The following PHGR1 variants were observed in gnomAD, a reference collection of about 807,000 sequenced individuals.
The protein encoded by PHGR1 is proline, histidine and glycine rich 1.
In PHGR1, 3 loss-of-function variants were observed where a neutral mutation model predicts 4.9. The ratio of observed to expected loss-of-function variants is 0.61; its 90% CI spans 0.28 to 1.58. The LOEUF (loss-of-function observed/expected upper bound fraction) is 1.58, where lower values mean the gene tolerates loss of function less well. PHGR1 is among the 40% of genes most tolerant of loss of function. PHGR1 has a pLI of 0.11. For missense variants in PHGR1, 81 were observed against 118.7 expected, an observed-to-expected ratio of 0.68 and a Z score of 1.48; for synonymous variants, 32 against 46.1, an observed-to-expected ratio of 0.69 and a Z score of 1.24.
chr15:40,352,291 G>A (rs1442451682), intron 1 of PHGR1, among the ~76,000 whole-genome samples: 4 of 152,112 alleles, frequency 2.6e-5, no homozygotes, highest in African/African-American at 9.7e-5. Context: ...TGTTGTATTG[G>A]GGGCGCTGTT....
chr15:40,351,045 C>G lies in PHGR1; in HGVS notation c.-44C>G, dbSNP rs1889200751. On this transcript the variant is annotated 5_prime_UTR_variant, in exon 1 of 4. Transcript: ENST00000448599. ...CAGACAGTGCCCCAGACTTCCTGCC[C>G]CTGCTCTGCACTCTCAGGTAGGGAC... The G allele has an allele frequency of 6.6e-6, 1 of 152,428 alleles. No homozygotes were observed. The highest frequency in any genetic ancestry group is 1.5e-5 in the Non-Finnish European group (1 of 68,228). The allele number at this position is 152,428 out of a possible 1,614,324, so 9.4% of individuals were successfully genotyped here.
In PHGR1 at chr15:40,356,226, C is replaced by T; in HGVS notation, c.172C>T (p.Pro58Ser). Residue 58 changes from proline (P) to serine (S), a missense_variant, in exon 4 of 4, where the codon CCC becomes TCC. Coordinates refer to ENST00000448599, the MANE Select transcript of PHGR1 (RefSeq NM_001145643.2). ...GHGPGPCGPP[P>S]HHGPGPCGPP... ...TGGCCCAGGGCCCTGCGGGCCACCCCCCCACCATGGTCCAGGGCCCTGCGG... is the reference window on the plus strand; with the variant it reads ...TGGCCCAGGGCCCTGCGGGCCACCCTCCCACCATGGTCCAGGGCCCTGCGG... 2.6e-6 allele frequency: 4 copies of T among 1,532,478 alleles called. No homozygotes were observed. The highest frequency in any genetic ancestry group is 2.6e-6 in the Non-Finnish European group (3 of 1,135,240). The allele number at this position is 1,532,478 out of a possible 1,614,324, so 94.9% of individuals were successfully genotyped here. A position where few individuals can be genotyped will look rare whatever the true frequency, so the allele number is the denominator to read the frequency against.
chr15:40,355,593 T>A, intron 3 of PHGR1, among the ~76,000 whole-genome samples: 1 of 152,036 alleles, frequency 6.6e-6, no homozygotes, highest in East Asian at 1.9e-4. Context: ...CCTCCTCAGC[T>A]CTTTCATCTC....
Position 40,353,257 on chromosome 15 carries a change from G to T in PHGR1, c.-1G>T, listed in dbSNP as rs1399335818. 1.3e-6 allele frequency: 2 copies of T among 1,551,560 alleles called. No homozygotes were observed. The highest frequency in any genetic ancestry group is 4.9e-5 in the East Asian group (2 of 40,920). On this transcript the variant is annotated 5_prime_UTR_variant, in exon 2 of 4. Coordinates refer to ENST00000448599, the MANE Select transcript of PHGR1 (RefSeq NM_001145643.2). ...GTATTCCCTGCTCTTACTCCAAAAA[G>T]ATGGACCCAGGTAAGCACTGTGGCT...
At chr15:40,354,409 A>T in intron 3 of PHGR1, 57 bp downstream of exon 3, 2 of 1,494,368 alleles carry the variant, frequency 1.3e-6, no homozygotes, top group Non-Finnish European at 1.8e-6. Context: ...TGTCCTCCAG[A>T]CCCCTAGCCT....
At position 40,353,140 on chromosome 15, in the gene PHGR1, T is replaced by TGTGTGA. The variant is rs1364507988; in HGVS notation, c.-26-87_-26-86insAGTGTG. 3.2e-6 allele frequency: 3 copies of TGTGTGA among 930,342 alleles called. No homozygotes were observed. The African/African-American group carries it at 5.5e-5, about 17-fold the overall frequency. The allele number at this position is 930,342 out of a possible 1,614,324, so 57.6% of individuals were successfully genotyped here. ...GTGTGTGTGTGTGTGTGTGTGTGTG[T>TGTGTGA]GTGTGTGCGCGCGCGCGCGCATCCG... On this transcript the variant is annotated intron_variant, in intron 1 of 3. Transcript: ENST00000448599.
chr15:40,356,037 C>T, intron 3 of PHGR1, 36 bp from the exon 4 acceptor site: 2 of 1,542,632 alleles, frequency 1.3e-6, no homozygotes, highest in Middle Eastern at 1.7e-4. Context: ...TAGCCCTGAC[C>T]TCTGACTCTG....
At chr15:40,353,119 GT>G in intron 1 of PHGR1, 112 bp from the exon 2 acceptor site, 1 of 661,976 alleles carries the variant, frequency 1.5e-6, no homozygotes. Context: ...GGGTGTGTGT[GT>G]GTGTGTGTGT....
intron 2 of PHGR1, 112 bp downstream of exon 2, chr15:40,353,379 CGT>C (rs1889239318): frequency 5.1e-6 from 7 of 1,372,392 alleles, no homozygotes; most frequent in African/African-American, 4.3e-5. Context: ...AATGTACGTG[CGT>C]GTGTGTTTGT....
At position 40,356,228 on chromosome 15, in the gene PHGR1, C is replaced by T. The variant is rs575125497; in HGVS notation, c.174C>T (p.Pro58=). The T allele has an allele frequency of 4.9e-4, 726 of 1,494,172 alleles. 8 individuals carry two copies. In the African/African-American group the frequency reaches 0.01, roughly 21 times the overall value. 92.6% of individuals were successfully genotyped at this position (1,494,172 alleles called of 1,614,324 possible). A position where few individuals can be genotyped will look rare whatever the true frequency, so the allele number is the denominator to read the frequency against. ...GHGPGPCGPP[P]HHGPGPCGPP... is the part of the protein sequence containing the mutation. The stretch of plus-strand genomic sequence containing the variant: ...GCCCAGGGCCCTGCGGGCCACCCCC[C>T]CACCATGGTCCAGGGCCCTGCGGGC... Residue 58 remains proline, a synonymous_variant, in exon 4 of 4, where the codon CCC becomes CCT. Transcript: ENST00000448599.
In PHGR1 at chr15:40,353,844, G is replaced by A. The variant is rs1298965954; in HGVS notation, c.11-501G>A. The A allele has an allele frequency of 3.3e-5, 6 of 183,938 alleles. No individual in the cohort carries two copies. In the South Asian group the frequency reaches 6.8e-4, roughly 21 times the overall value. 11.4% of individuals were successfully genotyped at this position (183,938 alleles called of 1,614,324 possible). A position where few individuals can be genotyped will look rare whatever the true frequency, so the allele number is the denominator to read the frequency against. On this transcript the variant is annotated intron_variant, in intron 2 of 3. Transcript: ENST00000448599. ...GATTTCCAAGTGGGAGGAGGCATGAGCAAAGGCCAAGAGCTGAGAACAGAA... is the reference window on the plus strand; with the variant it reads ...GATTTCCAAGTGGGAGGAGGCATGAACAAAGGCCAAGAGCTGAGAACAGAA...
intron 3 of PHGR1, among the ~76,000 whole-genome samples, chr15:40,355,346 T>A (rs942304608): frequency 1.3e-5 from 2 of 152,140 alleles, no homozygotes; most frequent in Non-Finnish European, 2.9e-5. Flanking sequence ...GGAACAGGTA[T>A]GAGCTCGCAC....
At chr15:40,353,121 G>A in intron 1 of PHGR1, 111 bp from the exon 2 acceptor site, 1 of 776,662 alleles carries the variant, frequency 1.3e-6, no homozygotes, top group Non-Finnish European at 2.0e-6. Flanking sequence ...GTGTGTGTGT[G>A]TGTGTGTGTG....
At chr15:40,353,288 G>A (rs376780550) in intron 2 of PHGR1, 21 bp downstream of exon 2, 483 of 1,551,520 alleles carry the variant, frequency 3.1e-4, no homozygotes, top group Non-Finnish European at 4.0e-4. Context: ...TGGCTGAGAG[G>A]CTGGGAATTG....
At chr15:40,353,132 TGTGTGTGTGTGTGTGC>T in intron 1 of PHGR1, 84 bp from the exon 2 acceptor site, 1 of 893,708 alleles carries the variant, frequency 1.1e-6, no homozygotes, top group Non-Finnish European at 1.7e-6. Flanking sequence ...TGTGTGTGTG[TGTGTGTGTGTGTGTGC>T]GCGCGCGCGC....
intron 1 of PHGR1, among the ~76,000 whole-genome samples, chr15:40,351,839 C>A (rs1280641525): frequency 2.0e-5 from 3 of 152,138 alleles, no homozygotes; most frequent in Non-Finnish European, 4.4e-5. Context: ...CGGGTTCAAG[C>A]GATTCTTCTG....
rs998135791 is a variant in PHGR1, at chr15:40,354,358, A to G, written c.18+6A>G. On this transcript the variant is annotated splice_donor_region_variant and intron_variant, in intron 3 of 3. Coordinates refer to ENST00000448599, the MANE Select transcript of PHGR1 (RefSeq NM_001145643.2). ...CCTCTCCCACAGGTCCGAAGGTAGG[A>G]AAGTTCCCCCAATGGTCTCCCCTTT... The G allele has an allele frequency of 1.5e-5, 23 of 1,536,194 alleles. No individual in the cohort carries two copies. Among genetic ancestry groups the G allele is most frequent in the Non-Finnish European group, 2.0e-5 (23 of 1,146,094 alleles).
chr15:40,353,363 G>A (rs1889238988), intron 2 of PHGR1, 96 bp downstream of exon 2: 1 of 1,484,286 alleles, frequency 6.7e-7, no homozygotes, highest in Non-Finnish European at 9.2e-7. Context: ...ACTAGTGCGT[G>A]CCAAAAATGT....
Position 40,353,429 on chromosome 15 carries a change from C to T in PHGR1, c.10+162C>T, listed in dbSNP as rs572309010. 2.5e-4 allele frequency: 203 copies of T among 821,208 alleles called. 3 individuals carry two copies. The South Asian group carries it at 3.0e-3, about 12-fold the overall frequency. The allele number at this position is 821,208 out of a possible 1,614,324, so 50.9% of individuals were successfully genotyped here. Reference sequence around the variant, plus strand: ...GTAGGGGTCCACAATGAAGACAAGCCCTTACATACTGTAGAACATGTTACA... The same window carrying T: ...GTAGGGGTCCACAATGAAGACAAGCTCTTACATACTGTAGAACATGTTACA... On this transcript the variant is annotated intron_variant, in intron 2 of 3. Coordinates refer to ENST00000448599, the MANE Select transcript of PHGR1 (RefSeq NM_001145643.2).
Sources: gnomAD v4.1 joint callset for allele counts (sites outside exome capture counted in the v4.1 genomes callset) on GRCh38, gnomAD v4.1.1 for gene constraint, MANE v1.5 for transcripts, NCBI Gene and HGNC (gene_info 2026-07-23, HGNC 2026-07-21) for gene names.